USP6NL: variants seen among roughly 807,000 people sequenced by gnomAD.
USP6NL encodes the protein USP6 N-terminal-like protein.
USP6NL carries 26 observed loss-of-function variants against 61.9 expected under a neutral mutation model. The ratio of observed to expected loss-of-function variants is 0.42; its 90% confidence interval spans 0.31 to 0.58. The LOEUF is 0.58. USP6NL is among the 20% of genes least tolerant of loss of function. The pLI is 0.16. For synonymous variants in USP6NL, 432 were observed against 390.1 expected, an observed-to-expected ratio of 1.11 and a Z score of -1.27; for missense variants, 1,114 against 1,034.3, an observed-to-expected ratio of 1.08 and a Z score of -1.06.
chr10:11,490,924 A>G lies in USP6NL; in HGVS notation c.495-44T>C, dbSNP rs1566130734. Reference sequence around the variant, plus strand: ...ATTAAATACAATTTAGTAATTTCACATATTTTAAAAATTACAAACTTAAAA... The same window carrying G: ...ATTAAATACAATTTAGTAATTTCACGTATTTTAAAAATTACAAACTTAAAA... On this transcript the variant is annotated intron_variant, in intron 8 of 14. Coordinates refer to ENST00000609104, the MANE Select transcript of USP6NL (RefSeq NM_014688.5). This position sits in a 1 kb window ranked among gnomAD's most constrained non-coding sequence, Gnocchi z 4.5. 6.1e-6 allele frequency: 9 copies of G among 1,476,278 alleles called. No individual in the cohort carries two copies. In the South Asian group the frequency reaches 6.7e-5, roughly 11 times the overall value. The allele number at this position is 1,476,278 out of a possible 1,614,324, so 91.4% of individuals were successfully genotyped here. A position where few individuals can be genotyped will look rare whatever the true frequency, so the allele number is the denominator to read the frequency against.
chr10:11,582,257 C>T (rs1039924437), intron 2 of USP6NL, among the ~76,000 whole-genome samples: 2 of 152,282 alleles, frequency 1.3e-5, no homozygotes. Flanking sequence ...TAAGCAACCA[C>T]GCCCAGCCAA....
At chr10:11,555,431 A>T (rs866484979) in intron 2 of USP6NL, among the ~76,000 whole-genome samples, 2,494 of 77,472 alleles carry the variant, frequency 0.032, 46 homozygotes, top group Non-Finnish European at 0.045. Flanking sequence ...AAAAAAAAAA[A>T]AAATATATAT....
intron 2 of USP6NL, among the ~76,000 whole-genome samples, chr10:11,541,228 GCCATATATATATATAT>G (rs1836040007): frequency 1.3e-5 from 1 of 77,600 alleles, no homozygotes. Context: ...CATCAATAGT[GCCATATATATATATAT>G]ATATATATAT....
intron 14 of USP6NL, among the ~76,000 whole-genome samples, chr10:11,466,875 G>A (rs1427992746): frequency 1.3e-5 from 2 of 152,180 alleles, no homozygotes; most frequent in Non-Finnish European, 2.9e-5. Flanking sequence ...AGATAGAAAT[G>A]GGACAGTGAA....
At chr10:11,533,717 C>A (rs887698835) in intron 2 of USP6NL, among the ~76,000 whole-genome samples, 2 of 152,198 alleles carry the variant, frequency 1.3e-5, no homozygotes, top group Admixed American at 1.3e-4. Flanking sequence ...ACCTCCAGAA[C>A]CCATTAAATG....
chr10:11,501,506 CTTTT>C (rs1171205609), intron 6 of USP6NL, among the ~76,000 whole-genome samples: 1 of 152,182 alleles, frequency 6.6e-6, no homozygotes, highest in Non-Finnish European at 1.5e-5. Context: ...AGTCAGTGCT[CTTTT>C]TAAAGGTGTG....
At chr10:11,533,390 C>A (rs1195707939) in intron 2 of USP6NL, among the ~76,000 whole-genome samples, 1 of 152,234 alleles carries the variant, frequency 6.6e-6, no homozygotes, top group Non-Finnish European at 1.5e-5. Context: ...CACATCCTAA[C>A]CCCTGGAATC....
chr10:11,515,576 T>C (rs1287778533), intron 5 of USP6NL, among the ~76,000 whole-genome samples: 1 of 152,184 alleles, frequency 6.6e-6, no homozygotes, highest in East Asian at 1.9e-4. Flanking sequence ...GCACCTACTC[T>C]GGTTAGTGTC....
Position 11,463,331 on chromosome 10 carries a change from T to G in USP6NL, c.1597A>C (p.Lys533Gln). Residue 533 changes from lysine (K) to glutamine (Q), a missense_variant, in exon 15 of 15, where the codon AAG (lysine) becomes CAG (glutamine). Coordinates refer to ENST00000609104, the MANE Select transcript of USP6NL (RefSeq NM_014688.5). This position sits in a 1 kb window ranked among gnomAD's most constrained non-coding sequence, Gnocchi z 6.3. ...AEVRVSNVRP[K>Q]MKALDAEDGK... ...TCCTCAGCATCCAGGGCCTTCATCT[T>G]TGGCCGCACGTTTGACACCCGCACC... 1 of 1,613,936 alleles carries G rather than the reference T, an allele frequency of 6.2e-7. No homozygotes were observed. The highest frequency in any genetic ancestry group is 8.5e-7 in the Non-Finnish European group (1 of 1,179,890).
chr10:11,527,541 G>C lies in USP6NL; in HGVS notation c.31C>G (p.Leu11Val), dbSNP rs753867393. Residue 11 changes from leucine (L) to valine (V), a missense_variant, in exon 3 of 15, where the codon CTT (leucine) becomes GTT (valine). Coordinates refer to ENST00000609104, the MANE Select transcript of USP6NL (RefSeq NM_014688.5). MNSDQDVALK[L>V]AQERAEIVAK... ...ACTATTTCAGCTCGCTCCTGGGCAAGTTTGAGTGCTACATCCTGGTCTGAA... is the reference window on the plus strand; with the variant it reads ...ACTATTTCAGCTCGCTCCTGGGCAACTTTGAGTGCTACATCCTGGTCTGAA... The C allele has an allele frequency of 5.6e-6, 9 of 1,609,710 alleles. No individual in the cohort carries two copies. The highest frequency in any genetic ancestry group is 2.7e-5 in the African/African-American group (2 of 74,884).
rs985654017 is a variant in USP6NL, at chr10:11,575,402, A to T, written c.4+22229T>A. 2.0e-5 allele frequency among the ~76,000 whole-genome samples: 3 copies of T among 152,158 alleles called. No homozygotes were observed. Among genetic ancestry groups the T allele is most frequent in the Non-Finnish European group, 1.5e-5 (1 of 68,026 alleles). On this transcript the variant is annotated intron_variant, in intron 2 of 14. Transcript: ENST00000609104. The surrounding 1 kb of genome is among the most constrained non-coding windows in gnomAD (Gnocchi z 4.2). The stretch of plus-strand genomic sequence containing the variant: ...TTACTTCCTCTCTTCTGGAGAGAAG[A>T]TCTTTGGAAGGTACTGTTTTGACAG...
chr10:11,543,086 T>C (rs1836131617), intron 2 of USP6NL, among the ~76,000 whole-genome samples: 1 of 152,234 alleles, frequency 6.6e-6, no homozygotes, highest in South Asian at 2.1e-4. Flanking sequence ...CGTATCATTA[T>C]TACCTGGGTA....
At chr10:11,590,642 C>T (rs1277412406) in intron 2 of USP6NL, among the ~76,000 whole-genome samples, 1 of 152,016 alleles carries the variant, frequency 6.6e-6, no homozygotes, top group Non-Finnish European at 1.5e-5. Flanking sequence ...CCAACCAGTA[C>T]ATCAACTCTA....
chr10:11,509,666 G>T lies in USP6NL; in HGVS notation c.205C>A (p.Leu69Met). 1 of 1,560,668 alleles carries T rather than the reference G, an allele frequency of 6.4e-7. No homozygotes were observed. The highest frequency in any genetic ancestry group is 1.2e-5 in the South Asian group (1 of 83,586). The change falls in exon 6 of 15, where the codon CTG becomes ATG. Residue 69 changes from leucine to methionine, a missense_variant. Leu to Met is a conservative substitution (Grantham distance 15). Transcript: ENST00000609104. ...HNVAVERQKH[L>M]EIERTTKWLK... The stretch of plus-strand genomic sequence containing the variant: ...CATTTGGTAGTTCTTTCAATTTCCA[G>T]GTGCTTTTGCTAAAATAAAATTGAA...
At chr10:11,586,987 T>C (rs1837991001) in intron 2 of USP6NL, among the ~76,000 whole-genome samples, 1 of 152,128 alleles carries the variant, frequency 6.6e-6, no homozygotes, top group Non-Finnish European at 1.5e-5. Flanking sequence ...CCAACCTCCC[T>C]GTGAGGACAG....
intron 2 of USP6NL, among the ~76,000 whole-genome samples, chr10:11,568,570 T>C (rs1448654233): frequency 6.6e-6 from 1 of 152,238 alleles, no homozygotes; most frequent in East Asian, 1.9e-4. Flanking sequence ...TTAAATGACA[T>C]GCTTTTACTT....
chr10:11,497,147 C>A (rs1462820965), intron 7 of USP6NL, among the ~76,000 whole-genome samples: 1 of 146,030 alleles, frequency 6.8e-6, no homozygotes, highest in Non-Finnish European at 1.5e-5. Flanking sequence ...CAGTGGCTCA[C>A]GCCTGTAATC....
At chr10:11,483,935 A>G (rs1184762680) in intron 13 of USP6NL, among the ~76,000 whole-genome samples, 1 of 152,172 alleles carries the variant, frequency 6.6e-6, no homozygotes, top group African/African-American at 2.4e-5. Flanking sequence ...TATCTAAAGT[A>G]TGGATAATCT....
At position 11,595,029 on chromosome 10, in the gene USP6NL, AG is replaced by A. The variant is rs1317353894; in HGVS notation, c.4+2601del. On this transcript the variant is annotated intron_variant, in intron 2 of 14. Coordinates refer to ENST00000609104, the MANE Select transcript of USP6NL (RefSeq NM_014688.5). This position sits in a 1 kb window ranked among gnomAD's most constrained non-coding sequence, Gnocchi z 5.3. ...TGTGTGGGTGACAGGCAGTGGCTCTAGGAACTAGCAGACTACTCAGAAGCTG... is the reference window on the plus strand; with the variant it reads ...TGTGTGGGTGACAGGCAGTGGCTCTAGAACTAGCAGACTACTCAGAAGCTG... 6.6e-6 allele frequency among the ~76,000 whole-genome samples: 1 copy of A among 152,214 alleles called. No individual in the cohort carries two copies. The highest frequency in any genetic ancestry group is 1.5e-5 in the Non-Finnish European group (1 of 68,030).
Sources: allele counts gnomAD v4.1 joint callset (sites outside exome capture counted in the v4.1 genomes callset), GRCh38; gene constraint gnomAD v4.1.1; non-coding constraint Gnocchi (gnomAD v3.1); transcripts MANE v1.5; gene names NCBI Gene and HGNC (gene_info 2026-07-23, HGNC 2026-07-21).